VAV3: variants seen among roughly 807,000 people sequenced by gnomAD.
VAV3 encodes guanine nucleotide exchange factor VAV3.
VAV3 carries 94 observed loss-of-function variants against 131.2 expected under a neutral mutation model. That is an observed-to-expected ratio of 0.72 (90% CI 0.61 to 0.85). The LOEUF is 0.85. Among genes scored for constraint, VAV3 ranks in the 40% least tolerant of loss-of-function variants. The pLI is 0.00. For missense variants in VAV3, 939 were observed against 1,002.7 expected, an observed-to-expected ratio of 0.94 and a Z score of 0.86; for synonymous variants, 349 against 342.0, an observed-to-expected ratio of 1.02 and a Z score of -0.22.
intron 4 of VAV3, among the ~76,000 whole-genome samples, chr1:107,774,985 T>C (rs946046879): frequency 1.3e-5 from 2 of 151,798 alleles, no homozygotes; most frequent in African/African-American, 2.4e-5. Context: ...GGTGGGTGGA[T>C]TGCTTGAGCC....
At chr1:107,851,096 G>C (rs72707744) in intron 2 of VAV3, among the ~76,000 whole-genome samples, 1 of 151,290 alleles carries the variant, frequency 6.6e-6, no homozygotes, top group Admixed American at 6.6e-5. Context: ...CAAAGAAGCC[G>C]GCCCTCCGGA....
chr1:107,623,449 A>G (rs557052966), intron 20 of VAV3, among the ~76,000 whole-genome samples: 165 of 152,300 alleles, frequency 1.1e-3, no homozygotes, highest in African/African-American at 3.9e-3. Context: ...TCCTATGTAC[A>G]ATCCTACCAC....
chr1:107,719,267 G>A (rs1189058937), intron 15 of VAV3, among the ~76,000 whole-genome samples: 1 of 152,128 alleles, frequency 6.6e-6, no homozygotes, highest in Non-Finnish European at 1.5e-5. Flanking sequence ...AGAGTGAACA[G>A]GTAACCTACA....
chr1:107,799,439 T>G (rs1225472464), intron 2 of VAV3, among the ~76,000 whole-genome samples: 1 of 142,286 alleles, frequency 7.0e-6, no homozygotes, highest in African/African-American at 2.9e-5. Context: ...AATGGTAACT[T>G]AACTAAATAT....
intron 2 of VAV3, among the ~76,000 whole-genome samples, chr1:107,821,952 A>G (rs1667810871): frequency 6.6e-6 from 1 of 152,182 alleles, no homozygotes; most frequent in Non-Finnish European, 1.5e-5. Context: ...TTGGAGCAGA[A>G]AGTGGGCACT....
chr1:107,761,728 C>A (rs1248855492), intron 9 of VAV3, among the ~76,000 whole-genome samples: 2 of 152,088 alleles, frequency 1.3e-5, no homozygotes, highest in Non-Finnish European at 2.9e-5. Context: ...TCTTGTGGGT[C>A]TTTTAATTAT....
chr1:107,955,392 T>C (rs1674758380), intron 1 of VAV3, among the ~76,000 whole-genome samples: 1 of 152,128 alleles, frequency 6.6e-6, no homozygotes, highest in Non-Finnish European at 1.5e-5. Flanking sequence ...GAATTTAATC[T>C]ATGCCTATTT....
intron 2 of VAV3, among the ~76,000 whole-genome samples, chr1:107,813,228 C>G (rs539553173): frequency 1.3e-5 from 2 of 151,886 alleles, no homozygotes; most frequent in East Asian, 3.9e-4. Flanking sequence ...GTAAGTAAGT[C>G]TGGAAAGGCA....
At chr1:107,844,467 C>A (rs910757294) in intron 2 of VAV3, among the ~76,000 whole-genome samples, 1 of 152,072 alleles carries the variant, frequency 6.6e-6, no homozygotes, top group East Asian at 1.9e-4. Flanking sequence ...ACCAGCGAGA[C>A]GGAAACATTC....
chr1:107,644,816 C>A (rs1055584058), intron 19 of VAV3, among the ~76,000 whole-genome samples: 1 of 152,090 alleles, frequency 6.6e-6, no homozygotes, highest in Non-Finnish European at 1.5e-5. Flanking sequence ...TGGAGCAATG[C>A]TGCCTCATAT....
chr1:107,728,517 T>C (rs1661991306), intron 15 of VAV3, among the ~76,000 whole-genome samples: 1 of 151,926 alleles, frequency 6.6e-6, no homozygotes, highest in South Asian at 2.1e-4. Flanking sequence ...GCTCATGACC[T>C]CTGTGGTTCC....
At chr1:107,732,885 T>A (rs1404790433) in intron 15 of VAV3, among the ~76,000 whole-genome samples, 5 of 152,184 alleles carry the variant, frequency 3.3e-5, no homozygotes, top group Non-Finnish European at 7.3e-5. Flanking sequence ...GTGTTTGAGC[T>A]CTGAGAATGG....
intron 2 of VAV3, among the ~76,000 whole-genome samples, chr1:107,801,220 A>G (rs1396491829): frequency 6.6e-6 from 1 of 152,048 alleles, no homozygotes; most frequent in Non-Finnish European, 1.5e-5. Context: ...ATATTTTTGT[A>G]GTATATTTGG....
In VAV3 at chr1:107,573,216, T is replaced by C. The variant is rs112107766; in HGVS notation, c.*115A>G. Reference sequence around the variant, plus strand: ...AGGAGGGGCTAAGGAGGGAGGATGTTGAACAGCCAGAAATGCAGCTTTTTA... The same window carrying C: ...AGGAGGGGCTAAGGAGGGAGGATGTCGAACAGCCAGAAATGCAGCTTTTTA... On this transcript the variant is annotated 3_prime_UTR_variant, in exon 27 of 27. Transcript: ENST00000370056. 29 of 1,207,728 alleles carry C rather than the reference T, an allele frequency of 2.4e-5. No individual in the cohort carries two copies. The highest frequency in any genetic ancestry group is 2.0e-4 in the African/African-American group (13 of 65,112). 74.8% of individuals were successfully genotyped at this position (1,207,728 alleles called of 1,614,324 possible).
At chr1:107,765,366 A>C (rs962633268) in intron 8 of VAV3, among the ~76,000 whole-genome samples, 191 bp from the exon 9 acceptor site, 1 of 152,242 alleles carries the variant, frequency 6.6e-6, no homozygotes, top group African/African-American at 2.4e-5. Flanking sequence ...GTAATGACTA[A>C]TTTGTAGTTC....
chr1:107,947,376 G>T (rs140816918), intron 1 of VAV3, among the ~76,000 whole-genome samples: 5 of 126,336 alleles, frequency 4.0e-5, no homozygotes, highest in Non-Finnish European at 8.4e-5. Flanking sequence ...ATAGACAAGC[G>T]AAGTTATAGA....
intron 17 of VAV3, among the ~76,000 whole-genome samples, chr1:107,694,775 TTCAC>T (rs1267453268): frequency 6.6e-6 from 1 of 152,168 alleles, no homozygotes; most frequent in East Asian, 1.9e-4. Flanking sequence ...TGTTGATCCA[TTCAC>T]TCACTCCATT....
At chr1:107,916,100 C>T (rs1450206828) in intron 1 of VAV3, among the ~76,000 whole-genome samples, 5 of 152,146 alleles carry the variant, frequency 3.3e-5, no homozygotes, top group African/African-American at 1.2e-4. Context: ...ACTATTAATA[C>T]TTAACTGCCT....
intron 10 of VAV3, among the ~76,000 whole-genome samples, chr1:107,760,550 G>C (rs11185174): frequency 0.58 from 87,419 of 151,908 alleles, 25,631 homozygotes; most frequent in Non-Finnish European, 0.63. Flanking sequence ...TATTTTCTAG[G>C]CAGTCCTGTT....
Sources: gnomAD v4.1 joint callset for allele counts (sites outside exome capture counted in the v4.1 genomes callset) on GRCh38, gnomAD v4.1.1 for gene constraint, MANE v1.5 for transcripts, NCBI Gene and HGNC (gene_info 2026-07-23, HGNC 2026-07-21) for gene names.